ZC3H12B: variants seen among roughly 807,000 people sequenced by gnomAD.
ZC3H12B encodes the protein probable ribonuclease ZC3H12B.
Under a neutral mutation model 43.9 loss-of-function variants are expected in ZC3H12B, and 7 were observed. That is an observed-to-expected ratio of 0.16 (90% CI 0.09 to 0.30). The LOEUF (loss-of-function observed/expected upper bound fraction) is 0.30. ZC3H12B is among the 10% of genes least tolerant of loss of function. The pLI is 1.00. For missense variants in ZC3H12B, 475 were observed against 670.2 expected, an observed-to-expected ratio of 0.71 and a Z score of 3.22; for synonymous variants, 222 against 241.7, an observed-to-expected ratio of 0.92 and a Z score of 0.76.
chrX:65,044,548 TA>T, the ZC3H12B span, among the ~76,000 whole-genome samples: 15,825 of 110,905 alleles, frequency 0.14, 2,725 homozygotes, highest in African/African-American at 0.49. Context: ...GATTTATATG[TA>T]AAGAGAATAT....
chrX:65,366,864 C>T (rs1416304206), intron 1 of ZC3H12B, 98 bp downstream of exon 3: 1 of 112,222 alleles, frequency 8.9e-6, no homozygotes, highest in African/African-American at 3.2e-5. Flanking sequence ...TTATGTTTAC[C>T]TATGTGATGA....
chrX:65,395,716 G>A (rs2066687868), intron 2 of ZC3H12B, among the ~76,000 whole-genome samples: 1 of 111,590 alleles, frequency 9.0e-6, no homozygotes, highest in Non-Finnish European at 1.9e-5. Context: ...GAGTTAGGGA[G>A]AAGTCCCATT....
At chrX:65,343,131 C>G in the ZC3H12B span, among the ~76,000 whole-genome samples, 554 of 111,117 alleles carry the variant, frequency 5.0e-3, 2 homozygotes, top group African/African-American at 0.016. Flanking sequence ...AATTGAATCC[C>G]TCAAGAGACC....
the ZC3H12B span, among the ~76,000 whole-genome samples, chrX:65,204,796 T>G: frequency 8.9e-6 from 1 of 112,228 alleles, no homozygotes. Flanking sequence ...ACTCTTTTCT[T>G]TCTTTATTTC....
At chrX:65,163,758 G>C in the ZC3H12B span, among the ~76,000 whole-genome samples, 1 of 111,349 alleles carries the variant, frequency 9.0e-6, no homozygotes. Context: ...TTCAGCTCAC[G>C]CATGTTGCAC....
the ZC3H12B span, among the ~76,000 whole-genome samples, chrX:65,190,459 C>T: frequency 9.0e-6 from 1 of 110,699 alleles, no homozygotes; most frequent in Admixed American, 9.6e-5. Flanking sequence ...TTGTTTGTAT[C>T]CTCTTTTATT....
chrX:65,315,667 C>A, the ZC3H12B span, among the ~76,000 whole-genome samples: 1 of 111,614 alleles, frequency 9.0e-6, no homozygotes, highest in African/African-American at 3.3e-5. Flanking sequence ...AAAAATCCAT[C>A]CAAAGGAGAG....
the ZC3H12B span, among the ~76,000 whole-genome samples, chrX:65,104,831 T>C: frequency 9.0e-6 from 1 of 111,687 alleles, no homozygotes; most frequent in Non-Finnish European, 1.9e-5. Context: ...TCAACCATTG[T>C]GGAAAACAGT....
chrX:65,267,304 G>T, the ZC3H12B span, among the ~76,000 whole-genome samples: 5 of 105,106 alleles, frequency 4.8e-5, no homozygotes, highest in South Asian at 1.7e-3. Flanking sequence ...ACAAGAAAAA[G>T]AATTCAGAAT....
At chrX:65,191,828 C>G in the ZC3H12B span, among the ~76,000 whole-genome samples, 189 of 105,352 alleles carry the variant, frequency 1.8e-3, 4 homozygotes, top group East Asian at 0.036. Context: ...TTAGTTATTT[C>G]TTGCCTTCTG....
chrX:65,062,869 C>G, the ZC3H12B span, among the ~76,000 whole-genome samples: 1 of 111,539 alleles, frequency 9.0e-6, no homozygotes, highest in Non-Finnish European at 1.9e-5. Context: ...TTGAAGAAGT[C>G]CTTCATGTCC....
At chrX:65,226,358 G>C in the ZC3H12B span, among the ~76,000 whole-genome samples, 3 of 111,276 alleles carry the variant, frequency 2.7e-5, no homozygotes, top group Non-Finnish European at 3.8e-5. Context: ...CCCTAAAAGA[G>C]CGCCTGAAGG....
At chrX:65,456,204 C>T (rs1216792052) in intron 3 of ZC3H12B, among the ~76,000 whole-genome samples, 17 of 111,178 alleles carry the variant, frequency 1.5e-4, no homozygotes, top group African/African-American at 5.6e-4. Context: ...AGAGTCAAGA[C>T]GCATCAGTGT....
At chrX:65,305,579 C>G in the ZC3H12B span, among the ~76,000 whole-genome samples, 1 of 111,893 alleles carries the variant, frequency 8.9e-6, no homozygotes, top group Admixed American at 9.5e-5. Flanking sequence ...TTTTTCCTTT[C>G]CTCACTCTTT....
chrX:65,450,121 A>G (rs1448429013), intron 3 of ZC3H12B, among the ~76,000 whole-genome samples: 1 of 107,890 alleles, frequency 9.3e-6, no homozygotes, highest in East Asian at 2.9e-4. Context: ...CCTGGCCAAG[A>G]TGGCGAAACC....
At chrX:65,298,323 A>G in the ZC3H12B span, among the ~76,000 whole-genome samples, 2 of 111,925 alleles carry the variant, frequency 1.8e-5, no homozygotes, top group African/African-American at 3.2e-5. Context: ...CCATCAAGAG[A>G]ATTTAAAAAA....
the ZC3H12B span, among the ~76,000 whole-genome samples, chrX:65,235,744 A>G: frequency 8.9e-6 from 1 of 112,159 alleles, no homozygotes; most frequent in Non-Finnish European, 1.9e-5. Flanking sequence ...AAGGGGTGTT[A>G]CAGCTCTTGA....
At chrX:65,434,653 T>A (rs757821276) in intron 3 of ZC3H12B, among the ~76,000 whole-genome samples, 2 of 112,343 alleles carry the variant, frequency 1.8e-5, no homozygotes, top group East Asian at 2.8e-4. Context: ...ACTCAAGTAG[T>A]TCTTTGCAGT....
the ZC3H12B span, among the ~76,000 whole-genome samples, chrX:65,226,779 C>A: frequency 0.083 from 9,163 of 111,039 alleles, 1,030 homozygotes; most frequent in African/African-American, 0.29. Flanking sequence ...TCAAAAGAGA[C>A]AAAGAAGACC....
Sources: gnomAD v4.1 joint callset for allele counts (sites outside exome capture counted in the v4.1 genomes callset) on GRCh38, gnomAD v4.1.1 for gene constraint, MANE v1.5 for transcripts, NCBI Gene and HGNC (gene_info 2026-07-23, HGNC 2026-07-21) for gene names.